SH3GL1: variants seen among roughly 807,000 people sequenced by gnomAD.
SH3GL1 encodes endophilin-A2.
Under a neutral mutation model 48.8 loss-of-function variants are expected in SH3GL1, and 21 were observed. The observed-to-expected ratio is 0.43, with a 90% CI of 0.30 to 0.62. The LOEUF is 0.62. Ranked by LOEUF, SH3GL1 falls within the 20% of genes least tolerant of loss-of-function variation. SH3GL1 has a pLI of 0.11. For missense variants in SH3GL1, 454 were observed against 503.0 expected, an observed-to-expected ratio of 0.90 and a Z score of 0.93; for synonymous variants, 282 against 217.5, an observed-to-expected ratio of 1.30 and a Z score of -2.61.
At chr19:4,370,802 T>C (rs984525613) in intron 1 of SH3GL1, among the ~76,000 whole-genome samples, 1 of 152,234 alleles carries the variant, frequency 6.6e-6, no homozygotes, top group Non-Finnish European at 1.5e-5. Context: ...GGACCAGGGC[T>C]GAGAAGTCAC....
intron 1 of SH3GL1, among the ~76,000 whole-genome samples, chr19:4,387,794 C>T (rs549401810): frequency 6.6e-6 from 1 of 152,232 alleles, no homozygotes; most frequent in Non-Finnish European, 1.5e-5. Flanking sequence ...AGCGATTCGC[C>T]TGCCTCAGCC....
At chr19:4,382,253 CTTTTTTTT>C (rs34085741) in intron 1 of SH3GL1, among the ~76,000 whole-genome samples, 4 of 102,350 alleles carry the variant, frequency 3.9e-5, no homozygotes, top group Non-Finnish European at 7.7e-5. Flanking sequence ...GCTCCGCTTT[CTTTTTTTT>C]TTTTTTTTTT....
intron 1 of SH3GL1, among the ~76,000 whole-genome samples, chr19:4,385,721 G>C (rs959308796): frequency 6.6e-6 from 1 of 152,198 alleles, no homozygotes; most frequent in African/African-American, 2.4e-5. Flanking sequence ...AGGCTGCTGT[G>C]GGAAGGCTGG....
At chr19:4,371,220 G>C (rs933361435) in intron 1 of SH3GL1, among the ~76,000 whole-genome samples, 10 of 152,366 alleles carry the variant, frequency 6.6e-5, no homozygotes, top group African/African-American at 2.4e-4. Flanking sequence ...ACAGAACAGA[G>C]AATACAAGGT....
chr19:4,363,797 G>T lies in SH3GL1; in HGVS notation c.547C>A (p.Leu183Ile), dbSNP rs1284446529. 4.3e-6 allele frequency: 7 copies of T among 1,613,622 alleles called. No homozygotes were observed. The highest frequency in any genetic ancestry group is 5.9e-6 in the Non-Finnish European group (7 of 1,180,042). ...KRQGKIPDEE[L>I]RQALEKFEES... The stretch of plus-strand genomic sequence containing the variant: ...TCGAACTTCTCCAGCGCCTGGCGTA[G>T]CTCCTCATCGGGGATCTTGCCCTGC... Residue 183 changes from leucine to isoleucine, a missense_variant, in exon 6 of 10, where the codon CTA becomes ATA. Physicochemically the swap from Leu to Ile is conservative, Grantham distance 5 (BLOSUM62 2). Transcript: ENST00000269886.
chr19:4,362,435 G>T, intron 8 of SH3GL1, 50 bp from the exon 9 acceptor site: 1 of 1,587,184 alleles, frequency 6.3e-7, no homozygotes, highest in South Asian at 1.1e-5. Context: ...GGTCGGGCAG[G>T]GCCCCTTCTG....
intron 1 of SH3GL1, among the ~76,000 whole-genome samples, chr19:4,388,089 G>C (rs1973269426): frequency 6.6e-6 from 1 of 151,876 alleles, no homozygotes; most frequent in South Asian, 2.1e-4. Flanking sequence ...TCAAACTCCT[G>C]ACCTTGTGAT....
In SH3GL1 at chr19:4,399,687, G is replaced by A. The variant is rs577970736; in HGVS notation, c.45+637C>T. On this transcript the variant is annotated intron_variant, in intron 1 of 9. Coordinates refer to ENST00000269886, the MANE Select transcript of SH3GL1 (RefSeq NM_003025.4). The stretch of plus-strand genomic sequence containing the variant: ...GTGCCGACGGAGGGGGAGAAATCCC[G>A]CTCCAGTGTGATCTCCAAGCAATGA... Among the ~76,000 whole-genome samples, 10 of 152,258 alleles carry A rather than the reference G, an allele frequency of 6.6e-5. No individual in the cohort carries two copies. The East Asian group carries it at 1.9e-3, about 29-fold the overall frequency.
intron 1 of SH3GL1, among the ~76,000 whole-genome samples, chr19:4,374,915 C>T (rs527521214): frequency 1.7e-4 from 26 of 152,300 alleles, no homozygotes; most frequent in Admixed American, 1.6e-3. Context: ...GCTCCCTCAC[C>T]GCCCGTCTGG....
At chr19:4,399,319 C>CAAAAAAAAAAA in intron 1 of SH3GL1, among the ~76,000 whole-genome samples, 3 of 49,624 alleles carry the variant, frequency 6.0e-5, no homozygotes, top group Non-Finnish European at 1.0e-4. Flanking sequence ...GACTCCCTCT[C>CAAAAAAAAAAA]AAAAAAAAAA....
chr19:4,388,225 G>A (rs1319033861), intron 1 of SH3GL1, among the ~76,000 whole-genome samples: 2 of 152,144 alleles, frequency 1.3e-5, no homozygotes, highest in Non-Finnish European at 2.9e-5. Flanking sequence ...TTTTAAAAGT[G>A]ATAAAATAAA....
intron 4 of SH3GL1, 25 bp downstream of exon 4, chr19:4,365,457 G>A (rs765722613): frequency 2.4e-5 from 38 of 1,612,490 alleles, no homozygotes; most frequent in East Asian, 4.5e-5. Context: ...GACGGTGGGC[G>A]TGGCTTCCAG....
At chr19:4,377,913 C>A (rs753047652) in intron 1 of SH3GL1, among the ~76,000 whole-genome samples, 1 of 152,206 alleles carries the variant, frequency 6.6e-6, no homozygotes, top group African/African-American at 2.4e-5. Flanking sequence ...GTTTGGGTCC[C>A]GGGCCTGGGA....
At chr19:4,391,199 G>A (rs1439711673) in intron 1 of SH3GL1, among the ~76,000 whole-genome samples, 3 of 152,262 alleles carry the variant, frequency 2.0e-5, no homozygotes, top group East Asian at 3.9e-4. Flanking sequence ...ACGTGACAGC[G>A]GCCACCCCTG....
At chr19:4,374,944 C>T (rs1198790087) in intron 1 of SH3GL1, among the ~76,000 whole-genome samples, 2 of 152,326 alleles carry the variant, frequency 1.3e-5, no homozygotes, top group East Asian at 1.9e-4. Context: ...ATGGGCCACA[C>T]GCTGTCCCAG....
Position 4,367,054 on chromosome 19 carries a change from G to T in SH3GL1, c.46-60C>A. 6.6e-7 allele frequency: 1 copy of T among 1,513,850 alleles called. No individual in the cohort carries two copies. The highest frequency in any genetic ancestry group is 1.1e-5 in the South Asian group (1 of 89,034). 93.8% of individuals were successfully genotyped at this position (1,513,850 alleles called of 1,614,324 possible). On this transcript the variant is annotated intron_variant, in intron 1 of 9. Transcript: ENST00000269886. The surrounding 1 kb of genome is among the most constrained non-coding windows in gnomAD (Gnocchi z 4.2). Reference sequence around the variant, plus strand: ...AGGGGTAGGAGGAAGAAGAGGACAGGAGGCCCTGAGCCGCCTTCCAGCCAC... The same window carrying T: ...AGGGGTAGGAGGAAGAAGAGGACAGTAGGCCCTGAGCCGCCTTCCAGCCAC...
chr19:4,383,910 G>T (rs1973186050), intron 1 of SH3GL1, among the ~76,000 whole-genome samples: 1 of 152,186 alleles, frequency 6.6e-6, no homozygotes, highest in African/African-American at 2.4e-5. Flanking sequence ...AGGCAGTGTG[G>T]CTTTGTTTGA....
At chr19:4,399,042 C>CAGG (rs1236819143) in intron 1 of SH3GL1, among the ~76,000 whole-genome samples, 3 of 152,110 alleles carry the variant, frequency 2.0e-5, no homozygotes, top group Non-Finnish European at 4.4e-5. Context: ...CCAAGTAGGC[C>CAGG]AGGCAGGTGG....
chr19:4,388,451 C>G (rs1021418933), intron 1 of SH3GL1, among the ~76,000 whole-genome samples: 2 of 152,092 alleles, frequency 1.3e-5, no homozygotes, highest in Non-Finnish European at 2.9e-5. Context: ...ACAGCAGGCT[C>G]AGAGACAGAA....
Sources: allele counts gnomAD v4.1 joint callset (sites outside exome capture counted in the v4.1 genomes callset), GRCh38; gene constraint gnomAD v4.1.1; non-coding constraint Gnocchi (gnomAD v3.1); transcripts MANE v1.5; gene names NCBI Gene and HGNC (gene_info 2026-07-23, HGNC 2026-07-21).